WDPCP: variants seen among roughly 807,000 people sequenced by gnomAD.
WDPCP encodes WD repeat containing planar cell polarity effector.
In WDPCP, 71 loss-of-function variants were observed where a neutral mutation model predicts 93.1. That is an observed-to-expected ratio of 0.76 (90% CI 0.63 to 0.93). WDPCP has a LOEUF of 0.93. Among genes scored for constraint, WDPCP ranks in the 40% least tolerant of loss-of-function variants. WDPCP has a pLI of 0.00. For missense variants in WDPCP, 844 were observed against 887.4 expected, an observed-to-expected ratio of 0.95 and a Z score of 0.62; for synonymous variants, 315 against 315.0, an observed-to-expected ratio of 1.00 and a Z score of 0.00.
Position 63,467,455 on chromosome 2 carries a change from G to GA in WDPCP, c.384+17148dup, listed in dbSNP as rs527465587. Reference sequence around the variant, plus strand: ...AGATTGCACTCCATCCTGGGCAACAGAGGGAGACCCCATCTCAAAAAAACA... The same window carrying GA: ...AGATTGCACTCCATCCTGGGCAACAGAAGGGAGACCCCATCTCAAAAAAACA... On this transcript the variant is annotated intron_variant, in intron 6 of 17. Coordinates refer to ENST00000272321, the MANE Select transcript of WDPCP (RefSeq NM_015910.7). 7.6e-4 allele frequency among the ~76,000 whole-genome samples: 115 copies of GA among 151,734 alleles called. 2 individuals are homozygous for GA. The highest frequency in any genetic ancestry group is 2.5e-3 in the African/African-American group (104 of 41,324).
chr2:63,366,791 T>C (rs1225802122), intron 12 of WDPCP, among the ~76,000 whole-genome samples: 1 of 152,126 alleles, frequency 6.6e-6, no homozygotes, highest in Non-Finnish European at 1.5e-5. Context: ...GTTTATTTCA[T>C]AGTATGAAGG....
chr2:63,745,671 T>C (rs1025759871), intron 2 of WDPCP, among the ~76,000 whole-genome samples: 5 of 150,808 alleles, frequency 3.3e-5, no homozygotes, highest in Admixed American at 6.6e-5. Flanking sequence ...CACACACACT[T>C]GTACTCCATC....
At chr2:63,433,361 CAA>C (rs1255784975) in intron 9 of WDPCP, among the ~76,000 whole-genome samples, 1 of 152,278 alleles carries the variant, frequency 6.6e-6, no homozygotes, top group South Asian at 2.1e-4. Flanking sequence ...ATGATAATAA[CAA>C]GAGTCATAAC....
In WDPCP at chr2:63,120,135, C is replaced by A. The variant is rs559938698; in HGVS notation, c.*1871G>T. On this transcript the variant is annotated 3_prime_UTR_variant, in exon 18 of 18. Coordinates refer to ENST00000272321, the MANE Select transcript of WDPCP (RefSeq NM_015910.7). The stretch of plus-strand genomic sequence containing the variant: ...TATTTTGGGTTAATGACTATTTACC[C>A]GGAAAATCTGGAGAAAATTCTGCAA... Among the ~76,000 whole-genome samples, 1 of 151,918 alleles carries A rather than the reference C, an allele frequency of 6.6e-6. No homozygotes were observed. Among genetic ancestry groups the A allele is most frequent in the Non-Finnish European group, 1.5e-5 (1 of 67,984 alleles).
intron 2 of WDPCP, among the ~76,000 whole-genome samples, chr2:63,798,214 A>C (rs956299722): frequency 6.6e-6 from 1 of 152,220 alleles, no homozygotes; most frequent in Non-Finnish European, 1.5e-5. Context: ...GTCAATGAGT[A>C]ATAAAAAATC....
At chr2:63,395,217 G>T (rs1037235085) in intron 10 of WDPCP, among the ~76,000 whole-genome samples, 1 of 152,112 alleles carries the variant, frequency 6.6e-6, no homozygotes, top group Non-Finnish European at 1.5e-5. Flanking sequence ...AAGGCAAATC[G>T]AATCTATTTT....
chr2:63,503,012 G>A (rs1009103187), intron 1 of WDPCP, among the ~76,000 whole-genome samples: 3 of 152,276 alleles, frequency 2.0e-5, no homozygotes, highest in East Asian at 1.9e-4. Context: ...TCTATGCCTC[G>A]AAAGAAAAGT....
intron 14 of WDPCP, among the ~76,000 whole-genome samples, chr2:63,241,600 A>C (rs1478481728): frequency 6.6e-6 from 1 of 152,060 alleles, no homozygotes; most frequent in Non-Finnish European, 1.5e-5. Flanking sequence ...CATGATTTTT[A>C]ATTTTTAAAG....
intron 17 of WDPCP, among the ~76,000 whole-genome samples, chr2:63,129,818 A>C (rs1239654267): frequency 2.0e-5 from 3 of 152,210 alleles, no homozygotes; most frequent in Non-Finnish European, 4.4e-5. Flanking sequence ...TATAATCTAT[A>C]CATATCCTCA....
chr2:63,634,452 T>C (rs1311304381), intron 3 of WDPCP, among the ~76,000 whole-genome samples: 1 of 152,188 alleles, frequency 6.6e-6, no homozygotes, highest in African/African-American at 2.4e-5. Context: ...ATTTTCAAAA[T>C]GGACAGTCAT....
At chr2:63,822,129 G>GT (rs149646194) in intron 1 of WDPCP, among the ~76,000 whole-genome samples, 1 of 151,982 alleles carries the variant, frequency 6.6e-6, no homozygotes, top group East Asian at 1.9e-4. Flanking sequence ...ATTATTCCCT[G>GT]TTTTTTATCT....
chr2:63,351,482 G>A lies in WDPCP; in HGVS notation c.1748+26904C>T, dbSNP rs140426418. 8.9e-3 allele frequency among the ~76,000 whole-genome samples: 1,350 copies of A among 152,048 alleles called. 9 individuals are homozygous for A. The highest frequency in any genetic ancestry group is 0.015 in the Non-Finnish European group (1,050 of 67,976). On this transcript the variant is annotated intron_variant, in intron 12 of 17. Coordinates refer to ENST00000272321, the MANE Select transcript of WDPCP (RefSeq NM_015910.7). ...CTGTCGTTCCCATATTAATGTCCAT[G>A]TATGCTCAATGTTTAGCTCTCATTT... is the stretch of plus-strand genomic sequence containing the variant.
At chr2:63,437,631 C>G (rs932920411) in intron 7 of WDPCP, 77 bp from the exon 8 acceptor site, 94 of 1,356,284 alleles carry the variant, frequency 6.9e-5, no homozygotes, top group Non-Finnish European at 9.2e-5. Context: ...TTACAAAAAG[C>G]TATTTTCAAA....
chr2:63,584,515 C>G (rs34763417), intron 1 of WDPCP, among the ~76,000 whole-genome samples: 28,642 of 151,718 alleles, frequency 0.19, 2,905 homozygotes, highest in Middle Eastern at 0.27. Flanking sequence ...CATTTTCAAT[C>G]AATCCAATGG....
intron 1 of WDPCP, among the ~76,000 whole-genome samples, chr2:63,520,586 G>A (rs1398065086): frequency 6.6e-6 from 1 of 152,086 alleles, no homozygotes; most frequent in Non-Finnish European, 1.5e-5. Context: ...CCTACATTAA[G>A]CATTTTTTAA....
At chr2:63,505,225 C>T (rs1017843764) in intron 1 of WDPCP, among the ~76,000 whole-genome samples, 20 of 151,988 alleles carry the variant, frequency 1.3e-4, no homozygotes, top group African/African-American at 3.6e-4. Flanking sequence ...ACTTTACTAA[C>T]GGTTTGTCAC....
At chr2:63,589,065 T>C, upstream of WDPCP, 1 of 1,614,060 alleles carries the variant, frequency 6.2e-7, no homozygotes, top group Non-Finnish European at 8.5e-7. Context: ...GGGCCCCGGG[T>C]TCCTGCCCAC....
At chr2:63,554,865 C>A (rs1207475527) in intron 1 of WDPCP, among the ~76,000 whole-genome samples, 1 of 152,108 alleles carries the variant, frequency 6.6e-6, no homozygotes, top group African/African-American at 2.4e-5. Context: ...GGTGTGACAG[C>A]CCACCTGGGA....
At chr2:63,522,683 C>T (rs1703034795) in intron 1 of WDPCP, among the ~76,000 whole-genome samples, 3 of 152,166 alleles carry the variant, frequency 2.0e-5, no homozygotes. Context: ...ATTATGAACA[C>T]CTCTATGAAC....
Sources: gnomAD v4.1 joint callset for allele counts (sites outside exome capture counted in the v4.1 genomes callset) on GRCh38, gnomAD v4.1.1 for gene constraint, MANE v1.5 for transcripts, NCBI Gene and HGNC (gene_info 2026-07-23, HGNC 2026-07-21) for gene names.